CFAP58: variants seen among roughly 807,000 people sequenced by gnomAD.
CFAP58 encodes cilia- and flagella-associated protein 58.
CFAP58 carries 88 observed loss-of-function variants against 119.5 expected under a neutral mutation model. That is an observed-to-expected ratio of 0.74 (90% CI 0.62 to 0.88). The LOEUF (loss-of-function observed/expected upper bound fraction) is 0.88. CFAP58 is among the 40% of genes least tolerant of loss of function. The pLI, the probability that CFAP58 is intolerant of heterozygous loss-of-function variation, is 0.00. For synonymous variants in CFAP58, 365 were observed against 366.3 expected (o/e 1.00, Z 0.04); for missense variants, 990 against 1,021.2 (o/e 0.97, Z 0.42).
chr10:104,358,035 G>GTGCA (rs2014612183), intron 1 of CFAP58, among the ~76,000 whole-genome samples: 2 of 137,202 alleles, frequency 1.5e-5, no homozygotes, highest in African/African-American at 6.1e-5. Context: ...ATATACATAT[G>GTGCA]TACATATACA....
chr10:104,403,900 C>A, intron 14 of CFAP58, 60 bp downstream of exon 14: 1 of 1,057,264 alleles, frequency 9.5e-7, no homozygotes, highest in Non-Finnish European at 1.4e-6. Context: ...CCACGCGAAG[C>A]TTCTAACCTA....
rs1048406485 is a variant in CFAP58, at chr10:104,392,481, G to T, written c.1527+87G>T. On this transcript the variant is annotated intron_variant, in intron 10 of 17. Coordinates refer to ENST00000369704, the MANE Select transcript of CFAP58 (RefSeq NM_001008723.2). ...TCTGTTATCCTAATGGCAGAATTTAGAATAGATTAAAAAAAAAACTCATGG... is the reference window on the plus strand; with the variant it reads ...TCTGTTATCCTAATGGCAGAATTTATAATAGATTAAAAAAAAAACTCATGG... 9.7e-6 allele frequency: 9 copies of T among 924,216 alleles called. No homozygotes were observed. In the Admixed American group the frequency reaches 1.7e-4, roughly 17 times the overall value. 57.3% of individuals were successfully genotyped at this position (924,216 alleles called of 1,614,324 possible). A position where few individuals can be genotyped will look rare whatever the true frequency, so the allele number is the denominator to read the frequency against.
intron 15 of CFAP58, among the ~76,000 whole-genome samples, chr10:104,443,498 C>T (rs1208631315): frequency 1.3e-5 from 2 of 152,294 alleles, no homozygotes; most frequent in African/African-American, 4.8e-5. Flanking sequence ...TTGATGACTC[C>T]AGGGTGAGCA....
At chr10:104,443,535 T>C (rs2013070886) in intron 15 of CFAP58, among the ~76,000 whole-genome samples, 1 of 152,254 alleles carries the variant, frequency 6.6e-6, no homozygotes, top group Non-Finnish European at 1.5e-5. Context: ...ATTTGCCAAA[T>C]ACAGATTCAG....
At chr10:104,413,746 C>T (rs1564897307) in intron 15 of CFAP58, among the ~76,000 whole-genome samples, 1 of 150,516 alleles carries the variant, frequency 6.6e-6, no homozygotes. Flanking sequence ...TCATCATCAT[C>T]ATCAAGATGG....
chr10:104,357,098 A>G (rs942306238), intron 1 of CFAP58, among the ~76,000 whole-genome samples: 12 of 152,270 alleles, frequency 7.9e-5, no homozygotes, highest in African/African-American at 2.9e-4. Flanking sequence ...AGGTCAGATT[A>G]GCAGGGTTAG....
upstream of CFAP58, among the ~76,000 whole-genome samples, chr10:104,352,519 A>G (rs911607513): frequency 7.3e-5 from 11 of 151,326 alleles, no homozygotes; most frequent in Non-Finnish European, 1.5e-4. Context: ...CACGGGAAAG[A>G]GAGTAGAGAC....
chr10:104,378,792 T>G (rs1050215314), intron 8 of CFAP58, among the ~76,000 whole-genome samples: 1 of 152,010 alleles, frequency 6.6e-6, no homozygotes, highest in Admixed American at 6.6e-5. Flanking sequence ...GTTAAAGAGG[T>G]GAACACTTTT....
intron 9 of CFAP58, among the ~76,000 whole-genome samples, chr10:104,388,881 C>T (rs569698278): frequency 6.6e-6 from 1 of 152,302 alleles, no homozygotes; most frequent in African/African-American, 2.4e-5. Context: ...GCACTGTAAG[C>T]ATTTTCTGGA....
the CFAP58 span, among the ~76,000 whole-genome samples, chr10:104,344,195 A>C: frequency 1.9e-3 from 289 of 152,338 alleles, 1 homozygote; most frequent in Middle Eastern, 3.4e-3. Context: ...TGGTCAGTAG[A>C]TATTCATTGC....
chr10:104,341,647 T>C, the CFAP58 span, among the ~76,000 whole-genome samples: 1 of 151,518 alleles, frequency 6.6e-6, no homozygotes, highest in African/African-American at 2.4e-5. Flanking sequence ...AAAAGTAATA[T>C]ATTATTGTTT....
At chr10:104,444,988 T>C (rs1256076398) in intron 15 of CFAP58, among the ~76,000 whole-genome samples, 3 of 152,134 alleles carry the variant, frequency 2.0e-5, no homozygotes, top group Non-Finnish European at 4.4e-5. Context: ...TGCTCAGCTA[T>C]TCTTTATAAT....
At chr10:104,353,748 C>T (rs900713564), upstream of CFAP58, 7 of 810,734 alleles carry the variant, frequency 8.6e-6, no homozygotes, top group Non-Finnish European at 1.3e-5. Flanking sequence ...TGTCCGTTGC[C>T]AGGCGACGGG....
chr10:104,419,592 T>A (rs931213632), intron 15 of CFAP58, among the ~76,000 whole-genome samples: 1 of 152,098 alleles, frequency 6.6e-6, no homozygotes, highest in Non-Finnish European at 1.5e-5. Flanking sequence ...GAAAATTCCT[T>A]TTTTGAGATG....
intron 9 of CFAP58, among the ~76,000 whole-genome samples, chr10:104,380,496 G>A (rs555985281): frequency 6.6e-6 from 1 of 152,174 alleles, no homozygotes; most frequent in African/African-American, 2.4e-5. Context: ...CTGTTGCCAT[G>A]CTGTGCAGCA....
intron 17 of CFAP58, 38 bp downstream of exon 17, chr10:104,450,242 A>G: frequency 1.9e-6 from 3 of 1,604,064 alleles, no homozygotes; most frequent in South Asian, 1.1e-5. Context: ...TGTTGTGCCT[A>G]TTATCTGCAC....
At chr10:104,346,522 A>C in the CFAP58 span, among the ~76,000 whole-genome samples, 1 of 151,656 alleles carries the variant, frequency 6.6e-6, no homozygotes, top group Non-Finnish European at 1.5e-5. Context: ...TCATTAAAAA[A>C]ATTTTTTTTT....
the CFAP58 span, among the ~76,000 whole-genome samples, chr10:104,340,443 T>C: frequency 1.3e-5 from 2 of 152,248 alleles, no homozygotes; most frequent in East Asian, 3.8e-4. Context: ...GTATGCTCAG[T>C]CTTCCTGTCT....
intron 11 of CFAP58, among the ~76,000 whole-genome samples, chr10:104,397,116 C>G (rs988617661): frequency 3.3e-5 from 5 of 152,122 alleles, no homozygotes; most frequent in African/African-American, 1.2e-4. Context: ...CAGCTCTTGG[C>G]ACTTAAGAAC....
Sources: gnomAD v4.1 joint callset for allele counts (sites outside exome capture counted in the v4.1 genomes callset) on GRCh38, gnomAD v4.1.1 for gene constraint, MANE v1.5 for transcripts, NCBI Gene and HGNC (gene_info 2026-07-23, HGNC 2026-07-21) for gene names.